Variants in NR3C2 observed in about 807,000 individuals in gnomAD.
NR3C2 encodes the protein nuclear receptor subfamily 3 group C member 2, also known as mineralocorticoid receptor.
A neutral mutation model predicts 86.4 loss-of-function variants in NR3C2; 15 were observed. That is an observed-to-expected ratio of 0.17 (90% confidence interval 0.12 to 0.27). The LOEUF (loss-of-function observed/expected upper bound fraction) is 0.27. Ranked by LOEUF, NR3C2 falls within the 10% of genes least tolerant of loss-of-function variation. NR3C2 has a pLI of 1.00. For synonymous variants in NR3C2, 458 were observed against 450.5 expected (o/e 1.02, Z -0.21); for missense variants, 960 against 1,195.6 (o/e 0.80, Z 2.91).
chr4:148,439,805 C>T (rs1370364729), intron 1 of NR3C2, among the ~76,000 whole-genome samples: 1 of 152,218 alleles, frequency 6.6e-6, no homozygotes, highest in African/African-American at 2.4e-5. Flanking sequence ...AAAGCAAGAA[C>T]CATATCCCAC....
chr4:148,193,389 G>C (rs1209911646), intron 4 of NR3C2, among the ~76,000 whole-genome samples: 1 of 152,126 alleles, frequency 6.6e-6, no homozygotes, highest in African/African-American at 2.4e-5. Context: ...GGGTCCTCTC[G>C]GGATTGCTGG....
chr4:148,399,719 T>C (rs986669017), intron 2 of NR3C2, among the ~76,000 whole-genome samples: 1 of 151,612 alleles, frequency 6.6e-6, no homozygotes, highest in East Asian at 1.9e-4. Flanking sequence ...CATACATATA[T>C]ACACAAACTC....
intron 2 of NR3C2, among the ~76,000 whole-genome samples, chr4:148,312,749 G>A (rs1742965355): frequency 6.6e-6 from 1 of 151,986 alleles, no homozygotes; most frequent in Non-Finnish European, 1.5e-5. Context: ...TAGCTATATT[G>A]GCATTTTTCC....
chr4:148,180,142 C>T (rs1030165854), intron 4 of NR3C2, among the ~76,000 whole-genome samples: 1 of 151,808 alleles, frequency 6.6e-6, no homozygotes, highest in African/African-American at 2.4e-5. Context: ...AACCTATTCT[C>T]TTGCTGGTGT....
intron 2 of NR3C2, among the ~76,000 whole-genome samples, chr4:148,308,259 C>T (rs1742733966): frequency 6.6e-6 from 1 of 152,034 alleles, no homozygotes; most frequent in South Asian, 2.1e-4. Context: ...AACACAACAG[C>T]AGCGTCCGTA....
intron 2 of NR3C2, among the ~76,000 whole-genome samples, chr4:148,419,646 A>C (rs186372359): frequency 2.5e-4 from 38 of 152,340 alleles, no homozygotes; most frequent in Admixed American, 2.4e-3. Flanking sequence ...CATATCAGTG[A>C]CTGATGATCA....
At chr4:148,109,998 C>T (rs1731979226) in intron 8 of NR3C2, among the ~76,000 whole-genome samples, 1 of 148,598 alleles carries the variant, frequency 6.7e-6, no homozygotes, top group African/African-American at 2.4e-5. Context: ...AATTGCTATC[C>T]TTAGTAAGAG....
At chr4:148,444,741 A>G (rs1750504907), upstream of NR3C2, 1 of 984,788 alleles carries the variant, frequency 1.0e-6, no homozygotes, top group South Asian at 4.7e-5. Flanking sequence ...GCGGCGCCAA[A>G]TCGCGCAGAG....
At chr4:148,152,770 C>A (rs1414999733) in intron 5 of NR3C2, among the ~76,000 whole-genome samples, 157 bp from the exon 6 acceptor site, 1 of 152,282 alleles carries the variant, frequency 6.6e-6, no homozygotes, top group East Asian at 1.9e-4. Flanking sequence ...AGAGTGCCCA[C>A]CACTGGCCCA....
intron 2 of NR3C2, among the ~76,000 whole-genome samples, chr4:148,275,132 C>T (rs1184803411): frequency 2.0e-5 from 3 of 152,240 alleles, no homozygotes; most frequent in Non-Finnish European, 4.4e-5. Flanking sequence ...CAATTATAGC[C>T]ACACTAAATG....
chr4:148,332,164 T>A (rs914412207), intron 2 of NR3C2, among the ~76,000 whole-genome samples: 11 of 152,158 alleles, frequency 7.2e-5, no homozygotes, highest in African/African-American at 2.2e-4. Context: ...CTATACTGAG[T>A]GAATCGTATA....
intron 3 of NR3C2, among the ~76,000 whole-genome samples, chr4:148,239,555 GTGAAGAGAACCACAACTACAAAGA>G (rs1738915163): frequency 2.0e-5 from 3 of 152,314 alleles, no homozygotes; most frequent in Admixed American, 1.3e-4. Context: ...TTTCTAAAAT[GTGAAGAGAACCACAACTACAAAGA>G]TGCAGAGGAC....
In NR3C2 at chr4:148,152,510, G is replaced by A; in HGVS notation, c.2469C>T (p.Asn823=). 6.2e-7 allele frequency: 1 copy of A among 1,614,084 alleles called. No homozygotes were observed. The highest frequency in any genetic ancestry group is 8.5e-7 in the Non-Finnish European group (1 of 1,179,966). ...CTGGTGCAAAATAGAGAAATTGGCT[G>A]TTCGTATGTTTGTACGATCTCCAGC... ...ALSWRSYKHT[N]SQFLYFAPDL... Residue 823 remains asparagine, a synonymous_variant, in exon 6 of 9, where the codon AAC becomes AAT. Coordinates refer to ENST00000358102, the MANE Select transcript of NR3C2 (RefSeq NM_000901.5).
chr4:148,131,551 T>G (rs529046442), intron 6 of NR3C2, among the ~76,000 whole-genome samples: 44 of 152,332 alleles, frequency 2.9e-4, no homozygotes, highest in African/African-American at 9.6e-4. Context: ...ACAAACAAGA[T>G]GTATCTGTAG....
At chr4:148,313,163 G>C (rs1247554995) in intron 2 of NR3C2, among the ~76,000 whole-genome samples, 2 of 152,164 alleles carry the variant, frequency 1.3e-5, no homozygotes, top group African/African-American at 4.8e-5. Context: ...TGAGTATTTA[G>C]AAAGTCCTTG....
intron 3 of NR3C2, among the ~76,000 whole-genome samples, chr4:148,198,692 G>T (rs190520327): frequency 1.6e-3 from 235 of 151,556 alleles, no homozygotes; most frequent in Middle Eastern, 3.4e-3. Context: ...ACAAAGCCTG[G>T]CCTGAAGAAA....
At chr4:148,444,414 CA>C, upstream of NR3C2, 1 of 986,096 alleles carries the variant, frequency 1.0e-6, no homozygotes, top group Non-Finnish European at 1.2e-6. Flanking sequence ...CTCCGCTCGC[CA>C]ACCCGCGCCC....
intron 2 of NR3C2, among the ~76,000 whole-genome samples, chr4:148,375,519 A>T (rs1746633416): frequency 6.6e-6 from 1 of 152,080 alleles, no homozygotes; most frequent in African/African-American, 2.4e-5. Flanking sequence ...TATTTATATC[A>T]AAAATTTAAA....
At chr4:148,085,761 G>A (rs922821478) in intron 8 of NR3C2, among the ~76,000 whole-genome samples, 1 of 152,088 alleles carries the variant, frequency 6.6e-6, no homozygotes, top group African/African-American at 2.4e-5. Flanking sequence ...GAAGAAAAGA[G>A]AGAAGAATCA....
Sources: gnomAD v4.1 joint callset for allele counts (sites outside exome capture counted in the v4.1 genomes callset) on GRCh38, gnomAD v4.1.1 for gene constraint, MANE v1.5 for transcripts, NCBI Gene and HGNC (gene_info 2026-07-23, HGNC 2026-07-21) for gene names.